The following TRPV6 variants were observed in gnomAD, a reference collection of about 807,000 sequenced individuals.
TRPV6 encodes the protein transient receptor potential cation channel subfamily V member 6, also known as Alu-binding protein with zinc finger domain.
TRPV6 carries 39 observed loss-of-function variants against 79.0 expected under a neutral mutation model. The ratio of observed to expected loss-of-function variants is 0.49; its 90% CI spans 0.38 to 0.64. The LOEUF is 0.64. Among genes scored for constraint, TRPV6 ranks in the 30% least tolerant of loss-of-function variants. TRPV6 has a pLI of 0.00. For synonymous variants in TRPV6, 373 were observed against 391.9 expected, an observed-to-expected ratio of 0.95 and a Z score of 0.57; for missense variants, 813 against 1,011.1, an observed-to-expected ratio of 0.80 and a Z score of 2.66.
intron 3 of TRPV6, 79 bp from the exon 4 acceptor site, chr7:142,877,358 C>G: frequency 6.3e-7 from 1 of 1,578,154 alleles, no homozygotes; most frequent in South Asian, 1.2e-5. Flanking sequence ...ACCCCAGTCT[C>G]TTTCCCTCAG....
In TRPV6 at chr7:142,875,679, G is replaced by T. The variant is rs763514570; in HGVS notation, c.1031C>A (p.Ala344Asp). Residue 344 changes from alanine (A) to aspartate (D), a missense_variant and splice_region_variant, in exon 8 of 15, where the codon GCT (alanine) becomes GAT (aspartate). Around this residue, in one of 3 missense-constraint regions of TRPV6, gnomAD observed 555 missense variants for 631.0 expected, o/e 0.88. Coordinates refer to ENST00000359396, the MANE Select transcript of TRPV6 (RefSeq NM_018646.6). ...CGGCGTCTGGTCCAGGATCTGGCGA[G>T]CCTGCAACAGAAAGAGAACAGGTGG... The T allele has an allele frequency of 6.2e-7, 1 of 1,610,670 alleles. No individual in the cohort carries two copies. The highest frequency in any genetic ancestry group is 1.1e-5 in the South Asian group (1 of 90,502).
At chr7:142,875,005 G>A (rs781733887) in intron 9 of TRPV6, 25 bp from the exon 10 acceptor site, 1 of 1,614,112 alleles carries the variant, frequency 6.2e-7, no homozygotes, top group Non-Finnish European at 8.5e-7. Flanking sequence ...GAGACACAAA[G>A]GCACTCAGAT....
intron 10 of TRPV6, 62 bp downstream of exon 10, chr7:142,874,842 C>T (rs1166993055): frequency 6.2e-7 from 1 of 1,604,886 alleles, no homozygotes; most frequent in African/African-American, 1.3e-5. Context: ...GGTCAGGAAT[C>T]CAAGGAGTGG....
rs1794985759 is a variant in TRPV6, at chr7:142,873,389, G to A, written c.1908+59C>T. ...AGATATCCTGTCTCTCAGCTTGGCAGGTTCCTTGGTAGGAAGGGGATGACT... is the reference window on the plus strand; with the variant it reads ...AGATATCCTGTCTCTCAGCTTGGCAAGTTCCTTGGTAGGAAGGGGATGACT... On this transcript the variant is annotated intron_variant, in intron 13 of 14. Coordinates refer to ENST00000359396, the MANE Select transcript of TRPV6 (RefSeq NM_018646.6). This position sits in a 1 kb window ranked among gnomAD's most constrained non-coding sequence, Gnocchi z 4.8. 6 of 1,594,422 alleles carry A rather than the reference G, an allele frequency of 3.8e-6. No individual in the cohort carries two copies. Among genetic ancestry groups the A allele is most frequent in the Non-Finnish European group, 5.1e-6 (6 of 1,167,718 alleles).
In TRPV6 at chr7:142,873,818, A is replaced by G. The variant is rs1794995920; in HGVS notation, c.1640-102T>C. On this transcript the variant is annotated intron_variant, in intron 12 of 14. Transcript: ENST00000359396. The surrounding 1 kb of genome is among the most constrained non-coding windows in gnomAD (Gnocchi z 4.8). ...TCCATCCTGGTCCCTTCATCTCAAT[A>G]TCACCAGCTCTGCAGTGCTCCAAAC... 6 of 1,507,464 alleles carry G rather than the reference A, an allele frequency of 4.0e-6. No individual in the cohort carries two copies. Among genetic ancestry groups the G allele is most frequent in the South Asian group, 1.2e-5 (1 of 83,208 alleles). The allele number at this position is 1,507,464 out of a possible 1,614,324, so 93.4% of individuals were successfully genotyped here.
intron 14 of TRPV6, 148 bp downstream of exon 14, chr7:142,872,224 C>T (rs552398816): frequency 1.0e-6 from 1 of 967,688 alleles, no homozygotes; most frequent in South Asian, 1.7e-5. Flanking sequence ...CAAACGGGAC[C>T]CCTTCCTCAC....
Position 142,873,508 on chromosome 7 carries a change from G to T in TRPV6, c.1848C>A (p.Ala616=). 1 of 1,614,200 alleles carries T rather than the reference G, an allele frequency of 6.2e-7. No individual in the cohort carries two copies. Among genetic ancestry groups the T allele is most frequent in the Non-Finnish European group, 8.5e-7 (1 of 1,180,046 alleles). Reference sequence around the variant, plus strand: ...CTCGCCAGTGAGTGTCGCCCATCATGGCAATGAGGAGGTTGAGCATGAGCA... The same window carrying T: ...CTCGCCAGTGAGTGTCGCCCATCATTGCAATGAGGAGGTTGAGCATGAGCA... Residue 616 remains alanine (A), a synonymous_variant, in exon 13 of 15, where the codon GCC becomes GCA. Coordinates refer to ENST00000359396, the MANE Select transcript of TRPV6 (RefSeq NM_018646.6). The surrounding 1 kb of genome is among the most constrained non-coding windows in gnomAD (Gnocchi z 4.8).
rs1794939414 is a variant in TRPV6 at position 142,871,835 on chromosome 7, C to T, written c.2170G>A (p.Val724Met). Residue 724 changes from valine (V) to methionine (M), a missense_variant, in exon 15 of 15, where the codon GTG becomes ATG. Around this residue, in one of 3 missense-constraint regions of TRPV6, gnomAD observed 164 missense variants for 186.1 expected, o/e 0.88. Transcript: ENST00000359396. Reference sequence around the variant, plus strand: ...CTGCTGCGGGAGGTACTTCGAGACACTGAGGGCATAGGAAGGGACAGGTGG... The same window carrying T: ...CTGCTGCGGGAGGTACTTCGAGACATTGAGGGCATAGGAAGGGACAGGTGG... The T allele has an allele frequency of 6.2e-7, 1 of 1,614,062 alleles. No homozygotes were observed. Among genetic ancestry groups the T allele is most frequent in the South Asian group, 1.1e-5 (1 of 91,088 alleles).
chr7:142,875,243 C>A, intron 8 of TRPV6, 79 bp from the exon 9 acceptor site: 1 of 1,513,734 alleles, frequency 6.6e-7, no homozygotes, highest in Non-Finnish European at 9.2e-7. Flanking sequence ...CCAGGGTCAC[C>A]AGTCTTAGCA....
chr7:142,875,485 G>C lies in TRPV6; in HGVS notation c.1225C>G (p.Gln409Glu), dbSNP rs1046796495. The C allele has an allele frequency of 1.9e-6, 3 of 1,588,264 alleles. No individual in the cohort carries two copies. The Admixed American group carries it at 5.1e-5, about 27-fold the overall frequency. The change falls in exon 8 of 15, where the codon CAG becomes GAG. Residue 409 changes from glutamine to glutamate, a missense_variant. Physicochemically the swap from Gln to Glu is conservative, Grantham distance 29. Coordinates refer to ENST00000359396, the MANE Select transcript of TRPV6 (RefSeq NM_018646.6). ...GGTGTCACCTGAAGTAGCTTCTGCT[G>C]TAAGAGGGTGTTGTCCCGGGGGCTC...
In TRPV6 at chr7:142,871,388, G is replaced by A. The variant is rs559221524; in HGVS notation, c.*319C>T. The stretch of plus-strand genomic sequence containing the variant: ...CACTTATGACCCTGGGGTGGAGACC[G>A]AGCGCCCAAGCAGGCTGGCCTGTTT... On this transcript the variant is annotated 3_prime_UTR_variant, in exon 15 of 15. Coordinates refer to ENST00000359396, the MANE Select transcript of TRPV6 (RefSeq NM_018646.6). 4 of 438,112 alleles carry A rather than the reference G, an allele frequency of 9.1e-6. No individual in the cohort carries two copies. The highest frequency in any genetic ancestry group is 6.2e-4 in the Middle Eastern group (1 of 1,610). The allele number at this position is 438,112 out of a possible 1,614,324, so 27.1% of individuals were successfully genotyped here. A position where few individuals can be genotyped will look rare whatever the true frequency, so the allele number is the denominator to read the frequency against.
chr7:142,885,246 T>A, intron 1 of TRPV6, 143 bp downstream of exon 1: 1 of 949,060 alleles, frequency 1.1e-6, no homozygotes, highest in Non-Finnish European at 1.5e-6. Flanking sequence ...TAAGACAGAA[T>A]GCTCCCAAGG....
At chr7:142,877,563 G>A in intron 3 of TRPV6, 88 bp downstream of exon 3, 2 of 1,552,820 alleles carry the variant, frequency 1.3e-6, no homozygotes, top group South Asian at 2.5e-5. Flanking sequence ...GATCCCCTGT[G>A]TCTTTCCCAA....
In TRPV6 at chr7:142,875,802, C is replaced by A; in HGVS notation, c.985G>T (p.Glu329Ter). Reference sequence around the variant, plus strand: ...ATGATAAGTTCCAGCAGGGACTGCTCATCCCCTGAGGAGTCGATCTCTGTG... The same window carrying A: ...ATGATAAGTTCCAGCAGGGACTGCTAATCCCCTGAGGAGTCGATCTCTGTG... Residue 329 changes from glutamate to a stop codon, truncating the protein, a stop_gained, in exon 7 of 15, where the codon GAG becomes TAG. Coordinates refer to ENST00000359396, the MANE Select transcript of TRPV6 (RefSeq NM_018646.6). LOFTEE classifies it high-confidence loss of function. The A allele has an allele frequency of 6.2e-7, 1 of 1,611,788 alleles. No homozygotes were observed. The highest frequency in any genetic ancestry group is 1.1e-5 in the South Asian group (1 of 90,858).
rs758751995 is a variant in TRPV6 at position 142,875,523 on chromosome 7, G to A, written c.1187C>T (p.Thr396Ile). The A allele has an allele frequency of 5.0e-6, 8 of 1,610,760 alleles. No homozygotes were observed. In the East Asian group the frequency reaches 1.6e-4, roughly 31 times the overall value. Reference sequence around the variant, plus strand: ...GTCCCGGGGGCTCGTGCGGTTATTGGTCCTGGGCTTGAGGGGGCGGTAGAT... The same window carrying A: ...GTCCCGGGGGCTCGTGCGGTTATTGATCCTGGGCTTGAGGGGGCGGTAGAT... Residue 396 changes from threonine (T) to isoleucine (I), a missense_variant, in exon 8 of 15, where the codon ACC becomes ATC. By Grantham distance (89) the Thr-to-Ile change is moderately conservative. Around this residue, in one of 3 missense-constraint regions of TRPV6, gnomAD observed 555 missense variants for 631.0 expected, o/e 0.88. Coordinates refer to ENST00000359396, the MANE Select transcript of TRPV6 (RefSeq NM_018646.6).
chr7:142,877,150 A>G lies in TRPV6; in HGVS notation c.599T>C (p.Ile200Thr). The change falls in exon 4 of 15, where the codon ATC becomes ACC. Residue 200 changes from isoleucine to threonine, a missense_variant. Ile to Thr is a moderately conservative substitution (Grantham distance 89). This residue lies in a region of TRPV6 where 555 missense variants were observed against 631.0 expected (regional missense o/e 0.88). Coordinates refer to ENST00000359396, the MANE Select transcript of TRPV6 (RefSeq NM_018646.6). The stretch of plus-strand genomic sequence containing the variant: ...CCCAGCCCTGCTCTCACCAAAGTAG[A>G]TGAGGTTGCAGGGACTACGGCGGAA... 1 of 1,614,074 alleles carries G rather than the reference A, an allele frequency of 6.2e-7. No homozygotes were observed. Among genetic ancestry groups the G allele is most frequent in the Non-Finnish European group, 8.5e-7 (1 of 1,179,980 alleles).
rs769647587 is a variant in TRPV6, at chr7:142,885,455, C to T, written c.182G>A (p.Arg61Lys). 1.2e-6 allele frequency: 2 copies of T among 1,613,962 alleles called. No individual in the cohort carries two copies. Among genetic ancestry groups the T allele is most frequent in the Non-Finnish European group, 1.7e-6 (2 of 1,179,916 alleles). Residue 61 changes from arginine (R) to lysine (K), a missense_variant, in exon 1 of 15, where the codon AGA becomes AAA. Physicochemically the swap from Arg to Lys is conservative, Grantham distance 26. This residue lies in a region of TRPV6 where 555 missense variants were observed against 631.0 expected (regional missense o/e 0.88). Coordinates refer to ENST00000359396, the MANE Select transcript of TRPV6 (RefSeq NM_018646.6). ...CCAGGACTCCCGTCTCTGGAACCAT[C>T]TGCAGAACTTGCTCCATAGGCAGAG...
intron 14 of TRPV6, 108 bp downstream of exon 14, chr7:142,872,264 G>T: frequency 8.4e-7 from 1 of 1,191,128 alleles, no homozygotes; most frequent in Non-Finnish European, 1.2e-6. Flanking sequence ...AGAGCCTAGG[G>T]AGCACACAGG....
chr7:142,883,492 A>G (rs1298734531), intron 1 of TRPV6: 1 of 152,196 alleles, frequency 6.6e-6, no homozygotes, highest in Non-Finnish European at 1.5e-5. Flanking sequence ...GGCCTGCCCC[A>G]TTCATAGGGG....
Sources: gnomAD v4.1 joint callset for allele counts on GRCh38, gnomAD v4.1.1 for gene constraint, gnomAD v4.1.1 regional missense constraint, Gnocchi (gnomAD v3.1) non-coding constraint, MANE v1.5 for transcripts, NCBI Gene and HGNC (gene_info 2026-07-23, HGNC 2026-07-21) for gene names.